Variants in LHFPL6 observed in about 807,000 individuals in gnomAD.
The protein encoded by LHFPL6 is LHFPL tetraspan subfamily member 6, also known as LHFPL tetraspan subfamily member 6 protein.
A neutral mutation model predicts 20.6 loss-of-function variants in LHFPL6; 9 were observed. The observed-to-expected ratio is 0.44, with a 90% confidence interval of 0.26 to 0.76. The LOEUF (loss-of-function observed/expected upper bound fraction) is 0.76, where lower values mean the gene tolerates loss of function less well. Among genes scored for constraint, LHFPL6 ranks in the 30% least tolerant of loss-of-function variants. LHFPL6 has a pLI of 0.20. For synonymous variants in LHFPL6, 105 were observed against 98.7 expected (o/e 1.06, Z -0.38); for missense variants, 218 against 253.5 (o/e 0.86, Z 0.95).
intron 3 of LHFPL6, among the ~76,000 whole-genome samples, chr13:39,370,167 A>C (rs1870128584): frequency 6.6e-6 from 1 of 152,180 alleles, no homozygotes. Flanking sequence ...GTGCCTGAAC[A>C]CTTTGCTCAG....
At chr13:39,493,196 C>T (rs1470402339) in intron 2 of LHFPL6, among the ~76,000 whole-genome samples, 2 of 150,422 alleles carry the variant, frequency 1.3e-5, no homozygotes, top group African/African-American at 4.9e-5. Flanking sequence ...AGGCCAGGCA[C>T]AGTGGCTCAC....
chr13:39,597,224 A>G (rs1400925251), intron 2 of LHFPL6, among the ~76,000 whole-genome samples: 1 of 152,210 alleles, frequency 6.6e-6, no homozygotes, highest in Non-Finnish European at 1.5e-5. Context: ...TCTCTTTGGT[A>G]CTTCCTCATT....
intron 2 of LHFPL6, among the ~76,000 whole-genome samples, chr13:39,555,312 GCT>G (rs1449258738): frequency 6.7e-6 from 1 of 149,568 alleles, no homozygotes; most frequent in African/African-American, 2.5e-5. Context: ...GAAAAACAGA[GCT>G]CTCCCCGCCC....
chr13:39,345,070 A>G (rs979688519), intron 3 of LHFPL6, among the ~76,000 whole-genome samples: 28 of 152,070 alleles, frequency 1.8e-4, no homozygotes, highest in African/African-American at 6.0e-4. Flanking sequence ...ATTCTAATTC[A>G]TTTTTCAGCC....
At chr13:39,556,815 A>T (rs1339660119) in intron 2 of LHFPL6, among the ~76,000 whole-genome samples, 5 of 151,150 alleles carry the variant, frequency 3.3e-5, no homozygotes, top group African/African-American at 1.2e-4. Context: ...AATAAAAATC[A>T]GCCAGCCATG....
chr13:39,370,370 T>A (rs950791487), intron 3 of LHFPL6, among the ~76,000 whole-genome samples: 17 of 152,212 alleles, frequency 1.1e-4, no homozygotes, highest in African/African-American at 3.6e-4. Flanking sequence ...ATGCTGGACC[T>A]TCTAAATGAC....
chr13:39,533,121 C>T (rs1870514846), intron 2 of LHFPL6, among the ~76,000 whole-genome samples: 1 of 152,188 alleles, frequency 6.6e-6, no homozygotes, highest in African/African-American at 2.4e-5. Context: ...CTCTAGACTG[C>T]TCTAAAACTA....
At chr13:39,563,028 G>A (rs1171968260) in intron 2 of LHFPL6, among the ~76,000 whole-genome samples, 1 of 149,604 alleles carries the variant, frequency 6.7e-6, no homozygotes, top group Non-Finnish European at 1.5e-5. Context: ...TGCAGTAGGA[G>A]TAATAGTAAT....
At chr13:39,518,559 T>C (rs1870003345) in intron 2 of LHFPL6, among the ~76,000 whole-genome samples, 1 of 152,216 alleles carries the variant, frequency 6.6e-6, no homozygotes, top group African/African-American at 2.4e-5. Flanking sequence ...ACTTCATATG[T>C]TTGTAAGTTT....
chr13:39,343,685 C>T lies in LHFPL6; in HGVS notation c.*251G>A. 2.7e-6 allele frequency: 1 copy of T among 377,050 alleles called. No homozygotes were observed. The highest frequency in any genetic ancestry group is 4.8e-6 in the Non-Finnish European group (1 of 206,288). The allele number at this position is 377,050 out of a possible 1,614,324, so 23.4% of individuals were successfully genotyped here. A position where few individuals can be genotyped will look rare whatever the true frequency, so the allele number is the denominator to read the frequency against. Reference sequence around the variant, plus strand: ...ACAATACTCTGTGGAATAGAAACACCCGATGCCCTGCAATATTTTTAGCCT... The same window carrying T: ...ACAATACTCTGTGGAATAGAAACACTCGATGCCCTGCAATATTTTTAGCCT... On this transcript the variant is annotated 3_prime_UTR_variant, in exon 4 of 4. Coordinates refer to ENST00000379589, the MANE Select transcript of LHFPL6 (RefSeq NM_005780.3).
chr13:39,350,537 T>G (rs73467371), intron 3 of LHFPL6, among the ~76,000 whole-genome samples: 5 of 152,186 alleles, frequency 3.3e-5, no homozygotes, highest in African/African-American at 1.2e-4. Context: ...CCTCCCTCTA[T>G]GCCTGTCATG....
intron 2 of LHFPL6, among the ~76,000 whole-genome samples, chr13:39,405,035 A>G (rs914747792): frequency 2.0e-5 from 3 of 152,338 alleles, no homozygotes. Context: ...TAATCTCTTT[A>G]CAAGCATAAT....
chr13:39,488,245 C>T (rs1246728584), intron 2 of LHFPL6, among the ~76,000 whole-genome samples: 1 of 152,184 alleles, frequency 6.6e-6, no homozygotes, highest in Non-Finnish European at 1.5e-5. Flanking sequence ...GAATTCCCAG[C>T]CTCCAGAACT....
At chr13:39,356,889 G>T (rs753128955) in intron 3 of LHFPL6, among the ~76,000 whole-genome samples, 17 of 152,292 alleles carry the variant, frequency 1.1e-4, no homozygotes, top group Non-Finnish European at 2.2e-4. Flanking sequence ...TACCAATCAG[G>T]CTGGGCATGG....
At chr13:39,365,511 G>A (rs1052145030) in intron 3 of LHFPL6, among the ~76,000 whole-genome samples, 10 of 152,168 alleles carry the variant, frequency 6.6e-5, no homozygotes, top group African/African-American at 2.2e-4. Context: ...GCATAGCCTT[G>A]AGACTCTTTT....
At chr13:39,488,843 T>C (rs2138451723) in intron 2 of LHFPL6, among the ~76,000 whole-genome samples, 1 of 150,940 alleles carries the variant, frequency 6.6e-6, no homozygotes, top group East Asian at 2.0e-4. Flanking sequence ...AAAAATCAAT[T>C]GTTATCAATA....
intron 2 of LHFPL6, among the ~76,000 whole-genome samples, chr13:39,436,393 G>A (rs1384106804): frequency 6.6e-6 from 1 of 152,138 alleles, no homozygotes; most frequent in Non-Finnish European, 1.5e-5. Flanking sequence ...TAAATAAAAA[G>A]TAACAAGTTA....
intron 2 of LHFPL6, among the ~76,000 whole-genome samples, chr13:39,398,912 C>A (rs1870912479): frequency 6.6e-6 from 1 of 152,216 alleles, no homozygotes; most frequent in Non-Finnish European, 1.5e-5. Context: ...ACCATCCTCA[C>A]TACACCCTCC....
chr13:39,399,293 G>C (rs1322522719), intron 2 of LHFPL6, among the ~76,000 whole-genome samples: 1 of 152,114 alleles, frequency 6.6e-6, no homozygotes, highest in Non-Finnish European at 1.5e-5. Flanking sequence ...AGTCTAAAGT[G>C]GTTTTACATA....
Sources: allele counts gnomAD v4.1 joint callset (sites outside exome capture counted in the v4.1 genomes callset), GRCh38; gene constraint gnomAD v4.1.1; transcripts MANE v1.5; gene names NCBI Gene and HGNC (gene_info 2026-07-23, HGNC 2026-07-21).